ACO2: variants seen among roughly 807,000 people sequenced by gnomAD.
ACO2 encodes the protein aconitase 2, also known as aconitate hydratase, mitochondrial.
Under a neutral mutation model 84.5 loss-of-function variants are expected in ACO2, and 31 were observed. The ratio of observed to expected loss-of-function variants is 0.37; its 90% CI spans 0.28 to 0.50. The LOEUF (loss-of-function observed/expected upper bound fraction) is 0.50, where lower values mean the gene tolerates loss of function less well. Ranked by LOEUF, ACO2 falls within the 20% of genes least tolerant of loss-of-function variation. The pLI, the probability that ACO2 is intolerant of heterozygous loss-of-function variation, is 0.97. For synonymous variants in ACO2, 414 were observed against 412.7 expected (o/e 1.00, Z -0.04); for missense variants, 685 against 1,029.3 (o/e 0.67, Z 4.58).
chr22:41,486,826 TCTC>T (rs959926795), intron 1 of ACO2, among the ~76,000 whole-genome samples: 3 of 152,068 alleles, frequency 2.0e-5, no homozygotes, highest in African/African-American at 4.8e-5. Context: ...TTCCTTTTTG[TCTC>T]CTCAGTCTTA....
At chr22:41,481,748 A>G (rs911279771) in intron 1 of ACO2, among the ~76,000 whole-genome samples, 3 of 152,154 alleles carry the variant, frequency 2.0e-5, no homozygotes, top group African/African-American at 7.2e-5. Context: ...CTTGAGTTTG[A>G]AAGCACAATC....
intron 17 of ACO2, 78 bp from the exon 18 acceptor site, chr22:41,528,401 C>A: frequency 1.3e-6 from 2 of 1,562,836 alleles, no homozygotes; most frequent in Middle Eastern, 4.8e-4. Context: ...AGGCAGTGCC[C>A]TGTCTCCCTG....
chr22:41,507,825 G>A lies in ACO2; in HGVS notation c.208G>A (p.Val70Met). 6.2e-7 allele frequency: 1 copy of A among 1,614,220 alleles called. No individual in the cohort carries two copies. Among genetic ancestry groups the A allele is most frequent in the Non-Finnish European group, 8.5e-7 (1 of 1,180,034 alleles). The change falls in exon 3 of 18, where the codon GTG (valine) becomes ATG (methionine). Residue 70 changes from valine (V) to methionine (M), a missense_variant. Around this residue, in one of 5 missense-constraint regions of ACO2, gnomAD observed 98 missense variants for 107.6 expected, o/e 0.91. Coordinates refer to ENST00000216254, the MANE Select transcript of ACO2 (RefSeq NM_001098.3). ...GCCGCTGACACTCTCGGAGAAGATT[G>A]TGTATGGACACCTGGATGACCCCGC... ...NRPLTLSEKI[V>M]YGHLDDPASQ... is the part of the protein sequence containing the mutation.
At chr22:41,499,983 C>T (rs2066342510) in intron 2 of ACO2, 121 bp downstream of exon 2, 1 of 1,322,452 alleles carries the variant, frequency 7.6e-7, no homozygotes, top group Admixed American at 1.9e-5. Flanking sequence ...TCAAGGTATT[C>T]AAGGTACAAA....
rs199660399 is a variant in ACO2, at chr22:41,524,975, G to A, written c.1605+7G>A. 1.5e-4 allele frequency: 236 copies of A among 1,614,130 alleles called. No individual in the cohort carries two copies. The African/African-American group carries it at 2.6e-3, about 18-fold the overall frequency. ...AGATGAGCTTCCCAAAGGGGTGAGC[G>A]CCCACGCCCCCTGCTTGCTGGTTGC... On this transcript the variant is annotated splice_region_variant and intron_variant, in intron 13 of 17. Transcript: ENST00000216254.
chr22:41,504,079 G>C (rs1181712016), intron 2 of ACO2, among the ~76,000 whole-genome samples: 4 of 152,184 alleles, frequency 2.6e-5, no homozygotes, highest in African/African-American at 4.8e-5. Context: ...AGTCAGGCAT[G>C]GTGGCGAGCG....
chr22:41,474,815 G>A (rs1490397338), intron 1 of ACO2, among the ~76,000 whole-genome samples: 1 of 150,940 alleles, frequency 6.6e-6, no homozygotes, highest in African/African-American at 2.4e-5. Context: ...TAGCCGGGAT[G>A]GTCTCGATCT....
At chr22:41,475,169 C>CT (rs1161178390) in intron 1 of ACO2, among the ~76,000 whole-genome samples, 1,680 of 120,200 alleles carry the variant, frequency 0.014, 12 homozygotes, top group South Asian at 0.034. Flanking sequence ...TTGTTTTTTC[C>CT]TTTTTTTTTT....
intron 14 of ACO2, 138 bp from the exon 15 acceptor site, chr22:41,526,124 T>C (rs1331279470): frequency 2.9e-6 from 2 of 698,562 alleles, no homozygotes; most frequent in Non-Finnish European, 4.8e-6. Context: ...ACAGAACACG[T>C]GTCTGAAGAC....
intron 9 of ACO2, among the ~76,000 whole-genome samples, chr22:41,521,778 C>CTT (rs1041027606): frequency 6.8e-4 from 98 of 143,228 alleles, no homozygotes; most frequent in African/African-American, 2.4e-3. Flanking sequence ...AATCCCAACC[C>CTT]TTTTTTTTTT....
At chr22:41,523,100 G>T in intron 10 of ACO2, 105 bp from the exon 11 acceptor site, 1 of 1,545,596 alleles carries the variant, frequency 6.5e-7, no homozygotes. Context: ...CCCAGTGGCT[G>T]CCCTGGGGTT....
At position 41,515,730 on chromosome 22, in the gene ACO2, A is replaced by T; in HGVS notation, c.685-37A>T. The T allele has an allele frequency of 6.2e-7, 1 of 1,612,018 alleles. No individual in the cohort carries two copies. Reference sequence around the variant, plus strand: ...GACTTCGTGGCTGGCACAGGCACACACGGCCTCTCACAGCCGCCTCGCCCC... The same window carrying T: ...GACTTCGTGGCTGGCACAGGCACACTCGGCCTCTCACAGCCGCCTCGCCCC... On this transcript the variant is annotated intron_variant, in intron 5 of 17. Transcript: ENST00000216254. The surrounding 1 kb of genome is among the most constrained non-coding windows in gnomAD (Gnocchi z 5.8).
intron 2 of ACO2, among the ~76,000 whole-genome samples, chr22:41,502,387 A>G (rs368655465): frequency 1.3e-5 from 2 of 152,192 alleles, no homozygotes; most frequent in East Asian, 3.8e-4. Flanking sequence ...CGTGCCTGTC[A>G]AAATGTGAGA....
chr22:41,492,140 T>C (rs1290538695), intron 1 of ACO2, among the ~76,000 whole-genome samples: 2 of 152,252 alleles, frequency 1.3e-5, no homozygotes, highest in Non-Finnish European at 2.9e-5. Flanking sequence ...GAATTCAAAA[T>C]AGGCACAGAA....
intron 9 of ACO2, among the ~76,000 whole-genome samples, chr22:41,522,190 G>T (rs1319414208): frequency 6.6e-6 from 1 of 152,218 alleles, no homozygotes; most frequent in Non-Finnish European, 1.5e-5. Context: ...GAATTAGCCA[G>T]GTGTGGTGGT....
intron 1 of ACO2, among the ~76,000 whole-genome samples, chr22:41,494,766 C>T (rs1256689011): frequency 2.0e-5 from 3 of 147,338 alleles, no homozygotes; most frequent in Non-Finnish European, 4.5e-5. Flanking sequence ...CAGAGTCTCA[C>T]TCTGTCACCC....
At position 41,496,127 on chromosome 22, in the gene ACO2, C is replaced by T. The variant is rs991646300; in HGVS notation, c.37-3599C>T. Among the ~76,000 whole-genome samples the T allele has an allele frequency of 5.9e-5, 9 of 151,460 alleles. No homozygotes were observed. In the South Asian group the frequency reaches 6.3e-4, roughly 11 times the overall value. On this transcript the variant is annotated intron_variant, in intron 1 of 17. Coordinates refer to ENST00000216254, the MANE Select transcript of ACO2 (RefSeq NM_001098.3). ...AGGAGTTTGAGACCAGCCTGGGCAACGTGGTGAAACCCCATCTCCACCAAG... is the reference window on the plus strand; with the variant it reads ...AGGAGTTTGAGACCAGCCTGGGCAATGTGGTGAAACCCCATCTCCACCAAG...
At chr22:41,520,352 A>G (rs2066513522) in intron 9 of ACO2, 76 bp downstream of exon 9, 9 of 1,173,664 alleles carry the variant, frequency 7.7e-6, no homozygotes, top group Non-Finnish European at 1.1e-5. Flanking sequence ...ACAATCACCT[A>G]TGCCTACTGT....
At chr22:41,513,119 G>C (rs2066447740) in intron 4 of ACO2, among the ~76,000 whole-genome samples, 1 of 152,196 alleles carries the variant, frequency 6.6e-6, no homozygotes, top group South Asian at 2.1e-4. Context: ...CGGCCTGTGG[G>C]GACTAGAAAG....
Sources: allele counts gnomAD v4.1 joint callset (sites outside exome capture counted in the v4.1 genomes callset), GRCh38; gene constraint gnomAD v4.1.1; regional missense constraint gnomAD v4.1.1; non-coding constraint Gnocchi (gnomAD v3.1); transcripts MANE v1.5; gene names NCBI Gene and HGNC (gene_info 2026-07-23, HGNC 2026-07-21).